NDUFA9: variants seen among roughly 807,000 people sequenced by gnomAD.
NDUFA9 encodes NADH:ubiquinone oxidoreductase subunit A9.
A neutral mutation model predicts 45.9 loss-of-function variants in NDUFA9; 23 were observed. The ratio of observed to expected loss-of-function variants is 0.50; its 90% CI spans 0.36 to 0.71. NDUFA9 has a LOEUF of 0.71. Among genes scored for constraint, NDUFA9 ranks in the 30% least tolerant of loss-of-function variants. The pLI is 0.00. For synonymous variants in NDUFA9, 176 were observed against 170.5 expected, an observed-to-expected ratio of 1.03 and a Z score of -0.25; for missense variants, 466 against 488.2, an observed-to-expected ratio of 0.95 and a Z score of 0.43.
rs1945781014 is a variant in NDUFA9 at position 4,654,907 on chromosome 12, C to T, written c.303C>T (p.Gly101=). Residue 101 remains glycine (G), a synonymous_variant, in exon 3 of 11, where the codon GGC becomes GGT. Transcript: ENST00000266544. ...ACCTTCGTCCCATGGGTGACCTGGGCCAGCTTCTGTTTCTGGTAAGGGCCT... is the reference window on the plus strand; with the variant it reads ...ACCTTCGTCCCATGGGTGACCTGGGTCAGCTTCTGTTTCTGGTAAGGGCCT... The part of the protein sequence containing the change: ...IMHLRPMGDL[G]QLLFLEWDAR... The T allele has an allele frequency of 6.2e-7, 1 of 1,613,184 alleles. No individual in the cohort carries two copies. Among genetic ancestry groups the T allele is most frequent in the Non-Finnish European group, 8.5e-7 (1 of 1,179,458 alleles).
At chr12:4,680,006 A>G (rs1945943269) in intron 8 of NDUFA9, among the ~76,000 whole-genome samples, 1 of 152,322 alleles carries the variant, frequency 6.6e-6, no homozygotes, top group Non-Finnish European at 1.5e-5. Context: ...TAACAAGGAA[A>G]AGAATTCAAG....
intron 8 of NDUFA9, among the ~76,000 whole-genome samples, chr12:4,672,330 C>T (rs758853922): frequency 9.9e-5 from 15 of 152,114 alleles, no homozygotes; most frequent in East Asian, 1.9e-4. Context: ...CTGGGCTAGC[C>T]GCAGGAGTTT....
chr12:4,666,997 G>T (rs1945856779), intron 6 of NDUFA9, among the ~76,000 whole-genome samples: 1 of 152,126 alleles, frequency 6.6e-6, no homozygotes, highest in South Asian at 2.1e-4. Flanking sequence ...AGTCCATTTT[G>T]GGGTACAACA....
chr12:4,665,521 T>C (rs745667452), intron 6 of NDUFA9, among the ~76,000 whole-genome samples: 7 of 152,228 alleles, frequency 4.6e-5, no homozygotes, highest in Non-Finnish European at 8.8e-5. Flanking sequence ...TTTTGGCTAT[T>C]GTGAATAATG....
chr12:4,655,123 C>T (rs754461513), intron 3 of NDUFA9: 4 of 526,746 alleles, frequency 7.6e-6, no homozygotes, highest in Non-Finnish European at 1.3e-5. Context: ...CAAACTTTTT[C>T]TTTGAAGGGA....
chr12:4,663,969 G>C (rs563624211), intron 6 of NDUFA9, among the ~76,000 whole-genome samples: 1 of 152,192 alleles, frequency 6.6e-6, no homozygotes, highest in Non-Finnish European at 1.5e-5. Context: ...TGGCTGATCT[G>C]TGTGTGTTCT....
intron 6 of NDUFA9, among the ~76,000 whole-genome samples, chr12:4,665,767 A>G (rs1444085436): frequency 6.9e-6 from 1 of 145,266 alleles, no homozygotes. Flanking sequence ...TTTTTATAAT[A>G]GCCATCCTAA....
At chr12:4,654,980 A>T (rs943910976) in intron 3 of NDUFA9, 58 bp downstream of exon 3, 13 of 1,361,002 alleles carry the variant, frequency 9.6e-6, no homozygotes, top group Non-Finnish European at 1.4e-5. Flanking sequence ...GGTCATTTTT[A>T]GGAGTGATAG....
chr12:4,678,172 T>C (rs1344637084), intron 8 of NDUFA9, among the ~76,000 whole-genome samples: 1 of 151,940 alleles, frequency 6.6e-6, no homozygotes, highest in Non-Finnish European at 1.5e-5. Flanking sequence ...TTAGGAGAAA[T>C]ACCTAATGTA....
chr12:4,649,409 G>A (rs1487182037), intron 1 of NDUFA9, among the ~76,000 whole-genome samples: 1 of 152,158 alleles, frequency 6.6e-6, no homozygotes, highest in Admixed American at 6.5e-5. Flanking sequence ...AGCTGTAAGC[G>A]AAGAGGAGAA....
chr12:4,684,237 C>T (rs1945970555), intron 9 of NDUFA9, among the ~76,000 whole-genome samples: 1 of 152,156 alleles, frequency 6.6e-6, no homozygotes, highest in Non-Finnish European at 1.5e-5. Context: ...AAATTCCAGC[C>T]AGCTTCCTTT....
At chr12:4,685,386 C>T in intron 10 of NDUFA9, 61 bp downstream of exon 10, 1 of 1,467,220 alleles carries the variant, frequency 6.8e-7, no homozygotes. Context: ...ACTTATTTTG[C>T]TTTGCCTGCT....
At chr12:4,685,415 T>G (rs1945979792) in intron 10 of NDUFA9, 90 bp downstream of exon 10, 1 of 1,226,210 alleles carries the variant, frequency 8.2e-7, no homozygotes. Flanking sequence ...TCCCGGCCCT[T>G]GTCTGTTTGC....
intron 9 of NDUFA9, among the ~76,000 whole-genome samples, chr12:4,682,627 G>T (rs1218904870): frequency 6.6e-6 from 1 of 152,200 alleles, no homozygotes; most frequent in African/African-American, 2.4e-5. Flanking sequence ...GGGCAGTCAG[G>T]TTCCCCTGTG....
chr12:4,658,885 T>C, intron 4 of NDUFA9, 151 bp from the exon 5 acceptor site: 1 of 794,436 alleles, frequency 1.3e-6, no homozygotes, highest in Non-Finnish European at 1.9e-6. Flanking sequence ...CCACCACACC[T>C]GGCCAAATTT....
chr12:4,673,005 C>G (rs997728742), intron 8 of NDUFA9, among the ~76,000 whole-genome samples: 2 of 152,170 alleles, frequency 1.3e-5, no homozygotes, highest in African/African-American at 4.8e-5. Flanking sequence ...TGGCAGGTGC[C>G]CCTCTGGGAC....
chr12:4,685,729 C>G (rs1453002862), intron 10 of NDUFA9, among the ~76,000 whole-genome samples: 1 of 151,950 alleles, frequency 6.6e-6, no homozygotes, highest in African/African-American at 2.4e-5. Context: ...CTACTCCAGT[C>G]AGGCTTTTAT....
chr12:4,653,388 A>T (rs896503983), intron 1 of NDUFA9: 11 of 252,166 alleles, frequency 4.4e-5, no homozygotes, highest in Non-Finnish European at 6.3e-5. Flanking sequence ...TTTCTGTTAG[A>T]ATGGCTCAAA....
At chr12:4,669,905 C>A in intron 8 of NDUFA9, 88 bp downstream of exon 8, 2 of 1,001,494 alleles carry the variant, frequency 2.0e-6, no homozygotes, top group Non-Finnish European at 1.6e-6. Context: ...TTATTTGTTG[C>A]ACTTTTACAA....
Sources: gnomAD v4.1 joint callset for allele counts (sites outside exome capture counted in the v4.1 genomes callset) on GRCh38, gnomAD v4.1.1 for gene constraint, MANE v1.5 for transcripts, NCBI Gene and HGNC (gene_info 2026-07-23, HGNC 2026-07-21) for gene names.